The following AP3D1 variants were observed in gnomAD, a reference collection of about 807,000 sequenced individuals.
AP3D1 encodes the protein adaptor related protein complex 3 subunit delta 1.
In AP3D1, 51 loss-of-function variants were observed where a neutral mutation model predicts 147.6. That is an observed-to-expected ratio of 0.35 (90% CI 0.28 to 0.44). The LOEUF (loss-of-function observed/expected upper bound fraction) is 0.44. Among genes scored for constraint, AP3D1 ranks in the 20% least tolerant of loss-of-function variants. The pLI, the probability that AP3D1 is intolerant of heterozygous loss-of-function variation, is 1.00. For missense variants in AP3D1, 1,421 were observed against 1,624.2 expected (o/e 0.87, Z 2.15); for synonymous variants, 760 against 663.0 (o/e 1.15, Z -2.25).
chr19:2,129,532 C>G, intron 6 of AP3D1, 75 bp from the exon 7 acceptor site: 1 of 1,522,248 alleles, frequency 6.6e-7, no homozygotes, highest in Non-Finnish European at 8.8e-7. Flanking sequence ...TCCTGGCCCG[C>G]GAGGAAGTTC....
chr19:2,106,079 C>T (rs998263360), intron 31 of AP3D1, among the ~76,000 whole-genome samples: 1 of 151,732 alleles, frequency 6.6e-6, no homozygotes, highest in African/African-American at 2.4e-5. Flanking sequence ...GGCGACAGAG[C>T]GAGACTCCAT....
chr19:2,134,462 C>A (rs1002323128), intron 4 of AP3D1, among the ~76,000 whole-genome samples: 1 of 150,692 alleles, frequency 6.6e-6, no homozygotes, highest in Non-Finnish European at 1.5e-5. Context: ...TAGGGCTGGG[C>A]GTGGTGGCTC....
intron 4 of AP3D1, among the ~76,000 whole-genome samples, chr19:2,136,262 T>C (rs1449372931): frequency 6.6e-6 from 1 of 152,216 alleles, no homozygotes; most frequent in Admixed American, 6.5e-5. Flanking sequence ...TCACAGCCAG[T>C]GCCCCCACAC....
At position 2,121,235 on chromosome 19, in the gene AP3D1, C is replaced by T. The variant is rs2018602442; in HGVS notation, c.1178G>A (p.Arg393His). ...AATGATCTTGGTGAGCAGCTCGTCA[C>T]GGTAGGTGGTACCCTCTGCCTTGTC... ...HVDKAEGTTY[R>H]DELLTKIIDI... The change falls in exon 13 of 32, where the codon CGT (arginine) becomes CAT (histidine). Residue 393 changes from arginine to histidine, a missense_variant. Arg to His is a conservative substitution (Grantham distance 29). Transcript: ENST00000643116. The T allele has an allele frequency of 5.0e-6, 8 of 1,614,088 alleles. No homozygotes were observed. The African/African-American group carries it at 5.3e-5, about 11-fold the overall frequency.
At chr19:2,139,792 A>C (rs1296714217) in intron 1 of AP3D1, among the ~76,000 whole-genome samples, 4 of 152,216 alleles carry the variant, frequency 2.6e-5, no homozygotes, top group Non-Finnish European at 5.9e-5. Flanking sequence ...TGCTGTGCCC[A>C]CCAGAGGCAA....
At chr19:2,119,591 G>A (rs942718194) in intron 14 of AP3D1, among the ~76,000 whole-genome samples, 1 of 151,310 alleles carries the variant, frequency 6.6e-6, no homozygotes, top group African/African-American at 2.4e-5. Context: ...AGCTACTTGC[G>A]AGGCTGAGGC....
intron 31 of AP3D1, among the ~76,000 whole-genome samples, chr19:2,107,740 A>T (rs887057558): frequency 8.4e-6 from 1 of 118,858 alleles, no homozygotes; most frequent in Non-Finnish European, 1.7e-5. Flanking sequence ...ACTCCGTCTC[A>T]AAAAAAAAAA....
At chr19:2,127,363 G>A (rs1374532852) in intron 8 of AP3D1, among the ~76,000 whole-genome samples, 162 bp from the exon 9 acceptor site, 2 of 152,172 alleles carry the variant, frequency 1.3e-5, no homozygotes, top group African/African-American at 4.8e-5. Flanking sequence ...TGTGGTGCTC[G>A]GCTGGTCATC....
intron 31 of AP3D1, 36 bp from the exon 32 acceptor site, chr19:2,102,304 T>C: frequency 6.4e-7 from 1 of 1,570,162 alleles, no homozygotes; most frequent in Non-Finnish European, 8.8e-7. Flanking sequence ...TTTAAAAGTG[T>C]GTGCAGGGGC....
chr19:2,101,895 G>C lies in AP3D1; in HGVS notation c.*278C>G. Reference sequence around the variant, plus strand: ...CATTCAAGGACTCGGCCCCCAGCGCGGGGCAGGGCACAGACCCAGGTGGGG... The same window carrying C: ...CATTCAAGGACTCGGCCCCCAGCGCCGGGCAGGGCACAGACCCAGGTGGGG... On this transcript the variant is annotated 3_prime_UTR_variant, in exon 32 of 32. Coordinates refer to ENST00000643116, the MANE Select transcript of AP3D1 (RefSeq NM_001261826.3). 1 of 430,156 alleles carries C rather than the reference G, an allele frequency of 2.3e-6. No individual in the cohort carries two copies. The highest frequency in any genetic ancestry group is 4.2e-6 in the Non-Finnish European group (1 of 237,062). The allele number at this position is 430,156 out of a possible 1,614,324, so 26.6% of individuals were successfully genotyped here.
chr19:2,115,363 C>T lies in AP3D1; in HGVS notation c.2205G>A (p.Gln735=). ...TCCTCCTCTTGTCCTTCTCCAGCTT[C>T]TGCCGGTGCCGCCGCTCCTCCTCCA... The part of the protein sequence containing the change: ...VKLEEERRHR[Q]KLEKDKRRKK... The change falls in exon 20 of 32, where the codon CAG becomes CAA. Residue 735 remains glutamine (Q), a synonymous_variant. Transcript: ENST00000643116. 6.2e-7 allele frequency: 1 copy of T among 1,607,518 alleles called. No individual in the cohort carries two copies. The highest frequency in any genetic ancestry group is 8.5e-7 in the Non-Finnish European group (1 of 1,179,872).
At chr19:2,120,657 C>G (rs1177135670) in intron 14 of AP3D1, among the ~76,000 whole-genome samples, 1 of 152,228 alleles carries the variant, frequency 6.6e-6, no homozygotes, top group African/African-American at 2.4e-5. Flanking sequence ...AGAGGGCAGA[C>G]AGGGCAGCAC....
intron 1 of AP3D1, 135 bp downstream of exon 1, chr19:2,151,104 C>T: frequency 2.5e-6 from 2 of 792,534 alleles, no homozygotes; most frequent in Non-Finnish European, 3.8e-6. Context: ...CCAGGCAGGG[C>T]CGGAGCCCTA....
chr19:2,120,798 C>T, intron 14 of AP3D1, 64 bp downstream of exon 14: 1 of 1,502,824 alleles, frequency 6.7e-7, no homozygotes, highest in Non-Finnish European at 9.1e-7. Flanking sequence ...CCAGGCACAT[C>T]CCTGGTCCCT....
rs768113479 is a variant in AP3D1, at chr19:2,110,871, T to C, written c.3011A>G (p.Gln1004Arg). The change falls in exon 27 of 32, where the codon CAG (glutamine) becomes CGG (arginine). Residue 1004 changes from glutamine (Q) to arginine (R), a missense_variant. Around this residue, in one of 6 missense-constraint regions of AP3D1, gnomAD observed 791 missense variants for 761.4 expected, o/e 1.04. Transcript: ENST00000643116. Reference protein sequence around the residue: ...KMTCDIRGSLQEDSQVTVAIV... With the variant: ...KMTCDIRGSLREDSQVTVAIV... Reference sequence around the variant, plus strand: ...GGCCACAGTGACCTGGCTGTCCTCCTGCAGACTGCCCCGGATGTCACAGGT... The same window carrying C: ...GGCCACAGTGACCTGGCTGTCCTCCCGCAGACTGCCCCGGATGTCACAGGT... 14 of 1,613,188 alleles carry C rather than the reference T, an allele frequency of 8.7e-6. No individual in the cohort carries two copies. In the Admixed American group the frequency reaches 1.7e-4, roughly 19 times the overall value.
intron 4 of AP3D1, 55 bp from the exon 5 acceptor site, chr19:2,132,633 C>T (rs780215395): frequency 1.0e-4 from 150 of 1,502,412 alleles, no homozygotes; most frequent in Non-Finnish European, 1.3e-4. Context: ...GCACATCCGA[C>T]GCCTGGGTCA....
chr19:2,156,683 T>C (rs1476521534), intron 1 of AP3D1, among the ~76,000 whole-genome samples: 1 of 151,992 alleles, frequency 6.6e-6, no homozygotes, highest in Non-Finnish European at 1.5e-5. Context: ...ACCCCGTCTC[T>C]ACTAAAAATA....
chr19:2,117,024 C>T, intron 16 of AP3D1, 198 bp downstream of exon 16: 1 of 819,812 alleles, frequency 1.2e-6, no homozygotes. Flanking sequence ...TCGCAGGGAG[C>T]ATCCCCAGGC....
chr19:2,136,893 C>G (rs931086055), intron 4 of AP3D1, 118 bp downstream of exon 4: 1 of 944,976 alleles, frequency 1.1e-6, no homozygotes, highest in Non-Finnish European at 1.6e-6. Context: ...AAGCCCCGCT[C>G]GCACTCAAGG....
Sources: allele counts gnomAD v4.1 joint callset (sites outside exome capture counted in the v4.1 genomes callset), GRCh38; gene constraint gnomAD v4.1.1; regional missense constraint gnomAD v4.1.1; transcripts MANE v1.5; gene names NCBI Gene and HGNC (gene_info 2026-07-23, HGNC 2026-07-21).